TMEM243: variants seen among roughly 807,000 people sequenced by gnomAD.
TMEM243 encodes the protein transmembrane protein 243.
TMEM243 carries 20 observed loss-of-function variants against 15.0 expected under a neutral mutation model. The ratio of observed to expected loss-of-function variants is 1.33; its 90% CI spans 0.94 to 1.93. The LOEUF (loss-of-function observed/expected upper bound fraction) is 1.93, where lower values mean the gene tolerates loss of function less well. TMEM243 is among the 30% of genes most tolerant of loss of function. The probability of loss-of-function intolerance (pLI) is 0.00; values close to 1 mark genes in which losing one functional copy is unlikely to be tolerated. For synonymous variants in TMEM243, 72 were observed against 52.7 expected (o/e 1.37, Z -1.59); for missense variants, 156 against 142.1 (o/e 1.10, Z -0.50).
intron 1 of TMEM243, among the ~76,000 whole-genome samples, chr7:87,217,413 T>C (rs1803188585): frequency 6.6e-6 from 1 of 152,268 alleles, no homozygotes; most frequent in South Asian, 2.1e-4. Context: ...TAATGTGTCC[T>C]ACCCTTTCAC....
chr7:87,206,802 T>G (rs747569003), intron 1 of TMEM243, among the ~76,000 whole-genome samples: 2 of 152,256 alleles, frequency 1.3e-5, no homozygotes, highest in Non-Finnish European at 2.9e-5. Flanking sequence ...TTCTTGACAG[T>G]GTGGCACACT....
chr7:87,213,431 G>A (rs1802897644), intron 1 of TMEM243, among the ~76,000 whole-genome samples: 1 of 152,228 alleles, frequency 6.6e-6, no homozygotes, highest in African/African-American at 2.4e-5. Flanking sequence ...CCTCCTTTGA[G>A]AGAAATAGCT....
chr7:87,219,403 C>G (rs562060433), intron 1 of TMEM243, 23 bp downstream of exon 1: 4 of 1,612,384 alleles, frequency 2.5e-6, no homozygotes, highest in Admixed American at 1.7e-5. Flanking sequence ...CCATCCCAGT[C>G]TGGAGTCACA....
intron 3 of TMEM243, 93 bp downstream of exon 3, chr7:87,197,848 C>A (rs1308965016): frequency 6.3e-7 from 1 of 1,590,412 alleles, no homozygotes; most frequent in Non-Finnish European, 8.6e-7. Context: ...TTAAGAGATA[C>A]CCTTTTGTAT....
chr7:87,199,590 C>T (rs1801631183), intron 1 of TMEM243: 1 of 152,216 alleles, frequency 6.6e-6, no homozygotes. Context: ...CCATCCAGTC[C>T]AGTAGTTTTT....
chr7:87,209,463 AGT>A (rs1368008682), intron 1 of TMEM243, among the ~76,000 whole-genome samples: 1 of 150,438 alleles, frequency 6.6e-6, no homozygotes, highest in East Asian at 2.0e-4. Flanking sequence ...AGACAGACAG[AGT>A]GAGACAGAGA....
intron 1 of TMEM243, among the ~76,000 whole-genome samples, chr7:87,204,435 T>C (rs1413854362): frequency 6.6e-6 from 1 of 152,236 alleles, no homozygotes; most frequent in African/African-American, 2.4e-5. Flanking sequence ...TGAAGTCTCA[T>C]CTGAGACAAG....
intron 1 of TMEM243, among the ~76,000 whole-genome samples, chr7:87,219,108 T>A (rs544752893): frequency 1.3e-5 from 2 of 152,282 alleles, no homozygotes; most frequent in East Asian, 3.9e-4. Flanking sequence ...TCAGTACTCC[T>A]GCTGGAGGTG....
At chr7:87,201,066 A>T (rs1801770063) in intron 1 of TMEM243, among the ~76,000 whole-genome samples, 1 of 152,196 alleles carries the variant, frequency 6.6e-6, no homozygotes, top group Non-Finnish European at 1.5e-5. Flanking sequence ...TAGTCACTGA[A>T]CAGAATTCCA....
At chr7:87,198,747 C>A in intron 2 of TMEM243, 2 of 487,382 alleles carry the variant, frequency 4.1e-6, no homozygotes, top group South Asian at 2.8e-5. Context: ...GGCTACTAGC[C>A]ACTGACATTT....
intron 1 of TMEM243, among the ~76,000 whole-genome samples, chr7:87,218,284 C>T (rs1003858191): frequency 3.3e-5 from 5 of 152,204 alleles, no homozygotes; most frequent in Admixed American, 6.5e-5. Context: ...TGGGATTATA[C>T]AAAGCCACAA....
In TMEM243 at chr7:87,198,018, G is replaced by T; in HGVS notation, c.157C>A (p.Pro53Thr). ...LVTLISAFVF[P>T]QLPPKPLNIF... ...TTCAACGGTTTTGGAGGTAGTTGAG[G>T]GAAAACAAAAGCACTTATCAGCGTT... Residue 53 changes from proline to threonine, a missense_variant, in exon 3 of 4, where the codon CCT becomes ACT. Physicochemically the swap from Pro to Thr is conservative, Grantham distance 38 (BLOSUM62 -1). Coordinates refer to ENST00000257637, the MANE Select transcript of TMEM243 (RefSeq NM_024315.4). 1 of 1,612,440 alleles carries T rather than the reference G, an allele frequency of 6.2e-7. No homozygotes were observed. Among genetic ancestry groups the T allele is most frequent in the East Asian group, 2.2e-5 (1 of 44,782 alleles).
At chr7:87,215,581 T>C (rs1803047480) in intron 1 of TMEM243, among the ~76,000 whole-genome samples, 1 of 152,196 alleles carries the variant, frequency 6.6e-6, no homozygotes, top group South Asian at 2.1e-4. Flanking sequence ...TGGACAGCAC[T>C]CTTTTAGAAA....
rs2129215116 is a variant in TMEM243 at position 87,196,406 on chromosome 7, T to C, written c.*230A>G. 5.0e-6 allele frequency: 2 copies of C among 399,808 alleles called. No homozygotes were observed. The highest frequency in any genetic ancestry group is 2.1e-5 in the African/African-American group (1 of 47,766). 24.8% of individuals were successfully genotyped at this position (399,808 alleles called of 1,614,324 possible). A position where few individuals can be genotyped will look rare whatever the true frequency, so the allele number is the denominator to read the frequency against. ...TCAAAAGTGAAATTTTTTTGTGCTG[T>C]TTTAGCTTTAAGGGTTGGAATGTTT... is the stretch of plus-strand genomic sequence containing the variant. On this transcript the variant is annotated 3_prime_UTR_variant, in exon 4 of 4. Transcript: ENST00000257637.
rs1001201876 is a variant in TMEM243 at position 87,209,407 on chromosome 7, T to C, written c.78+10019A>G. ...GGGAGAGAGACAAAGACATAGTGAA[T>C]GAGAGAGCGAGAGTGAAAGAGAGTG... On this transcript the variant is annotated intron_variant, in intron 1 of 3. Coordinates refer to ENST00000257637, the MANE Select transcript of TMEM243 (RefSeq NM_024315.4). 5.3e-5 allele frequency among the ~76,000 whole-genome samples: 8 copies of C among 150,176 alleles called. No homozygotes were observed. The South Asian group carries it at 1.7e-3, about 32-fold the overall frequency.
rs1315357579 is a variant in TMEM243, at chr7:87,217,562, G to C, written c.78+1864C>G. On this transcript the variant is annotated intron_variant, in intron 1 of 3. Coordinates refer to ENST00000257637, the MANE Select transcript of TMEM243 (RefSeq NM_024315.4). ...ACATGTTTTCTCCCACCTCAGACCAGGGGTCTCTCTCCCTTCTCCATTCTG... is the reference window on the plus strand; with the variant it reads ...ACATGTTTTCTCCCACCTCAGACCACGGGTCTCTCTCCCTTCTCCATTCTG... 2.0e-5 allele frequency among the ~76,000 whole-genome samples: 3 copies of C among 152,118 alleles called. No homozygotes were observed. The East Asian group carries it at 5.8e-4, about 29-fold the overall frequency.
rs112970415 is a variant in TMEM243 at position 87,203,352 on chromosome 7, C to T, written c.79-4295G>A. ...CAAAGGCCAGGCATGGTGGCTCACA[C>T]CTGTAATCCCAGCACTTTGGGAGGC... On this transcript the variant is annotated intron_variant, in intron 1 of 3. Coordinates refer to ENST00000257637, the MANE Select transcript of TMEM243 (RefSeq NM_024315.4). Among the ~76,000 whole-genome samples, 589 of 152,268 alleles carry T rather than the reference C, an allele frequency of 3.9e-3. 3 individuals carry two copies. Among genetic ancestry groups the T allele is most frequent in the Non-Finnish European group, 5.0e-3 (342 of 68,016 alleles).
chr7:87,209,796 GAC>G (rs1802581447), intron 1 of TMEM243, among the ~76,000 whole-genome samples: 1 of 147,892 alleles, frequency 6.8e-6, no homozygotes, highest in Non-Finnish European at 1.5e-5. Flanking sequence ...GTGAGAGCGA[GAC>G]AGAGCGAGAG....
intron 1 of TMEM243, among the ~76,000 whole-genome samples, chr7:87,211,083 G>A (rs912190036): frequency 6.6e-6 from 1 of 152,172 alleles, no homozygotes. Flanking sequence ...CTGTAGTGTG[G>A]GGGCTGCTGT....
Sources: allele counts gnomAD v4.1 joint callset (sites outside exome capture counted in the v4.1 genomes callset), GRCh38; gene constraint gnomAD v4.1.1; transcripts MANE v1.5; gene names NCBI Gene and HGNC (gene_info 2026-07-23, HGNC 2026-07-21).